ANXA4: variants seen among roughly 807,000 people sequenced by gnomAD.
The protein encoded by ANXA4 is 35-beta calcimedin.
Under a neutral mutation model 49.8 loss-of-function variants are expected in ANXA4, and 39 were observed. The observed-to-expected ratio is 0.78, with a 90% CI of 0.61 to 1.02. ANXA4 has a LOEUF of 1.02. ANXA4 is among the 50% of genes least tolerant of loss of function. The probability of loss-of-function intolerance (pLI) is 0.00; values close to 1 mark genes in which losing one functional copy is unlikely to be tolerated. For synonymous variants in ANXA4, 134 were observed against 152.5 expected, an observed-to-expected ratio of 0.88 and a Z score of 0.89; for missense variants, 360 against 410.1, an observed-to-expected ratio of 0.88 and a Z score of 1.05.
In ANXA4 at chr2:69,752,795, G is replaced by A. The variant is rs921111365; in HGVS notation, c.-47+10620G>A. ...CCTAGAAAATTTAGTCCACCCTCTA[G>A]GCCTGGCCTGCCACAAAAATGATCC... On this transcript the variant is annotated intron_variant, in intron 1 of 12. Coordinates refer to ENST00000394295, the MANE Select transcript of ANXA4 (RefSeq NM_001153.5). Among the ~76,000 whole-genome samples, 28 of 151,828 alleles carry A rather than the reference G, an allele frequency of 1.8e-4. 1 individual carries two copies. The highest frequency in any genetic ancestry group is 6.8e-4 in the African/African-American group (28 of 41,396).
chr2:69,737,570 G>T (rs929341492), upstream of ANXA4, among the ~76,000 whole-genome samples: 2 of 151,772 alleles, frequency 1.3e-5, no homozygotes, highest in African/African-American at 2.4e-5. Context: ...GCTGTGTTTG[G>T]TTCTATGAGT....
At chr2:69,720,621 C>G (rs1213449822) in intron 2 of ANXA4, among the ~76,000 whole-genome samples, 1 of 152,184 alleles carries the variant, frequency 6.6e-6, no homozygotes, top group Non-Finnish European at 1.5e-5. Flanking sequence ...TTAAAAGATT[C>G]CTCTTGCTGC....
At chr2:69,749,873 A>T (rs1670766941) in intron 1 of ANXA4, among the ~76,000 whole-genome samples, 1 of 151,896 alleles carries the variant, frequency 6.6e-6, no homozygotes, top group African/African-American at 2.4e-5. Flanking sequence ...CAGTGAGCCG[A>T]GATCATGCCC....
intron 2 of ANXA4, among the ~76,000 whole-genome samples, chr2:69,678,624 T>C (rs1374685672): frequency 1.3e-5 from 2 of 152,064 alleles, no homozygotes; most frequent in African/African-American, 4.8e-5. Context: ...CTCCAACTCC[T>C]GGGCCCAAGC....
At chr2:69,697,382 A>G (rs1678192192) in intron 2 of ANXA4, among the ~76,000 whole-genome samples, 1 of 152,234 alleles carries the variant, frequency 6.6e-6, no homozygotes, top group South Asian at 2.1e-4. Flanking sequence ...GTTCTAGGCT[A>G]GGCTTTGGAT....
chr2:69,757,445 T>G (rs1343699613), intron 1 of ANXA4, among the ~76,000 whole-genome samples: 11 of 146,072 alleles, frequency 7.5e-5, no homozygotes, highest in Non-Finnish European at 1.4e-4. Context: ...TTTTTGTTTT[T>G]TTTTTTTTTA....
intron 3 of ANXA4, among the ~76,000 whole-genome samples, chr2:69,723,948 A>T (rs1266843497): frequency 6.6e-6 from 1 of 152,216 alleles, no homozygotes; most frequent in Non-Finnish European, 1.5e-5. Context: ...CCCGAAAGCT[A>T]AAAACTTCTG....
chr2:69,695,817 A>G (rs1371044931), intron 2 of ANXA4, among the ~76,000 whole-genome samples: 1 of 152,184 alleles, frequency 6.6e-6, no homozygotes, highest in African/African-American at 2.4e-5. Flanking sequence ...GTGCATAGAA[A>G]GGTTATGTTT....
At chr2:69,819,667 G>A (rs1447515686) in intron 11 of ANXA4, among the ~76,000 whole-genome samples, 1 of 152,138 alleles carries the variant, frequency 6.6e-6, no homozygotes, top group Non-Finnish European at 1.5e-5. Flanking sequence ...GAAGTATGGA[G>A]CAAGAATGCC....
chr2:69,691,112 T>G (rs993345377), intron 2 of ANXA4, among the ~76,000 whole-genome samples: 2 of 151,868 alleles, frequency 1.3e-5, no homozygotes, highest in African/African-American at 4.8e-5. Context: ...TTTCTCTTTC[T>G]GGTACAGTCT....
intron 7 of ANXA4, among the ~76,000 whole-genome samples, chr2:69,812,221 A>C (rs553054392): frequency 7.2e-4 from 109 of 151,726 alleles, no homozygotes; most frequent in African/African-American, 2.3e-3. Context: ...TCCTGGCCTC[A>C]AGACATCCTC....
In ANXA4 at chr2:69,825,693, G is replaced by C. The variant is rs114136135; in HGVS notation, c.*178G>C. On this transcript the variant is annotated 3_prime_UTR_variant, in exon 13 of 13. Coordinates refer to ENST00000394295, the MANE Select transcript of ANXA4 (RefSeq NM_001153.5). ...TTCACCTATAATTAGTCATTATGAT[G>C]CTTTAAAGCTGTACTTGCATTTCAA... The C allele has an allele frequency of 0.013, 6,258 of 472,682 alleles. 76 individuals are homozygous for C. Among genetic ancestry groups the C allele is most frequent in the Middle Eastern group, 0.046 (90 of 1,952 alleles). The allele number at this position is 472,682 out of a possible 1,614,324, so 29.3% of individuals were successfully genotyped here. A position where few individuals can be genotyped will look rare whatever the true frequency, so the allele number is the denominator to read the frequency against.
intron 2 of ANXA4, among the ~76,000 whole-genome samples, chr2:69,686,252 T>C (rs1228176441): frequency 1.3e-5 from 2 of 152,150 alleles, no homozygotes; most frequent in African/African-American, 2.4e-5. Flanking sequence ...TGGCGTGATC[T>C]CTTCTCACTG....
Position 69,804,637 on chromosome 2 carries a change from A to G in ANXA4, c.192+10A>G, listed in dbSNP as rs193084283. ...GAGCACCATCGGCAGGGTAGGCCAC[A>G]GTCTTTCCTGCTCTGTCTGGCTGAC... On this transcript the variant is annotated intron_variant, in intron 4 of 12. Transcript: ENST00000394295. 2.5e-4 allele frequency: 397 copies of G among 1,606,446 alleles called. 3 individuals are homozygous for G. The East Asian group carries it at 7.9e-3, about 32-fold the overall frequency.
intron 6 of ANXA4, chr2:69,809,412 CTT>C (rs991591163): frequency 6.6e-6 from 1 of 152,156 alleles, no homozygotes; most frequent in Admixed American, 6.6e-5. Context: ...TGGAGCTTCT[CTT>C]TTCGTTTTTG....
At chr2:69,661,240 T>C (rs1408022297) in intron 2 of ANXA4, among the ~76,000 whole-genome samples, 1 of 145,982 alleles carries the variant, frequency 6.9e-6, no homozygotes, top group Non-Finnish European at 1.5e-5. Context: ...AAAAAAAAGC[T>C]GAGAAAATTT....
chr2:69,777,594 A>G (rs1374732893), intron 1 of ANXA4, among the ~76,000 whole-genome samples: 1 of 152,190 alleles, frequency 6.6e-6, no homozygotes, highest in Non-Finnish European at 1.5e-5. Context: ...AAGTCACAAT[A>G]TTATATGGCC....
intron 3 of ANXA4, among the ~76,000 whole-genome samples, chr2:69,799,151 C>T (rs930154488): frequency 1.3e-5 from 2 of 152,088 alleles, no homozygotes; most frequent in Non-Finnish European, 2.9e-5. Flanking sequence ...CAGCTTTTAT[C>T]CCATTCCCTG....
intron 2 of ANXA4, among the ~76,000 whole-genome samples, chr2:69,709,387 C>T (rs1030194316): frequency 6.6e-5 from 10 of 152,168 alleles, no homozygotes; most frequent in African/African-American, 2.2e-4. Flanking sequence ...CTTCTTAGTG[C>T]CAATATTTTC....
Sources: allele counts gnomAD v4.1 joint callset (sites outside exome capture counted in the v4.1 genomes callset), GRCh38; gene constraint gnomAD v4.1.1; transcripts MANE v1.5; gene names NCBI Gene and HGNC (gene_info 2026-07-23, HGNC 2026-07-21).